Variants in BBOF1 observed in about 807,000 individuals in gnomAD.
The protein encoded by BBOF1 is basal body orientation factor 1, also known as basal body-orientation factor 1.
In BBOF1, 62 loss-of-function variants were observed where a neutral mutation model predicts 68.0. The observed-to-expected ratio is 0.91, with a 90% CI of 0.74 to 1.13. The LOEUF (loss-of-function observed/expected upper bound fraction) is 1.13. Among genes scored for constraint, BBOF1 ranks in the 50% most tolerant of loss-of-function variants. The probability of loss-of-function intolerance (pLI) is 0.00; values close to 1 mark genes in which losing one functional copy is unlikely to be tolerated. For synonymous variants in BBOF1, 208 were observed against 198.8 expected (o/e 1.05, Z -0.39); for missense variants, 534 against 600.1 (o/e 0.89, Z 1.15).
rs373275578 is a variant in BBOF1 at position 74,056,816 on chromosome 14, TA to T, written c.1389-81del. The stretch of plus-strand genomic sequence containing the variant: ...TACTATCACCCACAAAAATAAAAAA[TA>T]AAAAAAAATTAAAATACAAAAAGAA... On this transcript the variant is annotated intron_variant, in intron 9 of 11. Coordinates refer to ENST00000394009, the MANE Select transcript of BBOF1 (RefSeq NM_025057.3). 3,823 of 856,306 alleles carry T rather than the reference TA, an allele frequency of 4.5e-3. 93 individuals carry two copies. The African/African-American group carries it at 0.055, about 12-fold the overall frequency. 53.0% of individuals were successfully genotyped at this position (856,306 alleles called of 1,614,324 possible).
At chr14:74,058,114 T>G (rs1172546412) in intron 11 of BBOF1, 2 of 160,642 alleles carry the variant, frequency 1.2e-5, no homozygotes, top group Admixed American at 1.3e-4. Flanking sequence ...GATCATTAGG[T>G]CAGGAGATTG....
chr14:74,076,568 C>T (rs2060615150), intron 9 of BBOF1, among the ~76,000 whole-genome samples: 1 of 151,604 alleles, frequency 6.6e-6, no homozygotes, highest in Non-Finnish European at 1.5e-5. Flanking sequence ...CAGAATTTTG[C>T]TCTCATTGAC....
At position 74,046,146 on chromosome 14, in the gene BBOF1, C is replaced by A. The variant is rs1321730369; in HGVS notation, c.647+16C>A. 6.3e-7 allele frequency: 1 copy of A among 1,587,716 alleles called. No homozygotes were observed. The highest frequency in any genetic ancestry group is 1.3e-5 in the African/African-American group (1 of 74,252). On this transcript the variant is annotated intron_variant, in intron 6 of 11. Coordinates refer to ENST00000394009, the MANE Select transcript of BBOF1 (RefSeq NM_025057.3). ...AGGCTATTGTGTAAGAGACTGCTGC[C>A]TACTTTCTGACTCTGATTACCTCTC...
At chr14:74,071,408 G>T in intron 9 of BBOF1, 1 of 1,614,128 alleles carries the variant, frequency 6.2e-7, no homozygotes, top group South Asian at 1.1e-5. Flanking sequence ...AGAGGCAGAC[G>T]GTAGGAATAA....
intron 11 of BBOF1, among the ~76,000 whole-genome samples, chr14:74,062,540 G>A (rs2060370993): frequency 1.3e-5 from 2 of 152,036 alleles, no homozygotes; most frequent in Admixed American, 1.3e-4. Flanking sequence ...GGCTGAGGTT[G>A]CAGTGAGCCA....
downstream of BBOF1, among the ~76,000 whole-genome samples, chr14:74,069,548 C>A (rs1244706461): frequency 6.6e-6 from 1 of 151,526 alleles, no homozygotes; most frequent in East Asian, 2.0e-4. Flanking sequence ...GTCAGGAGTT[C>A]GAGACCTTCC....
chr14:74,045,598 C>T (rs766311057), intron 5 of BBOF1, among the ~76,000 whole-genome samples: 5 of 152,182 alleles, frequency 3.3e-5, no homozygotes, highest in African/African-American at 9.7e-5. Context: ...CGTGAGCCAC[C>T]GCGCCCGGAC....
At chr14:74,028,371 A>G (rs190424642) in intron 2 of BBOF1, among the ~76,000 whole-genome samples, 292 of 152,106 alleles carry the variant, frequency 1.9e-3, no homozygotes, top group Non-Finnish European at 3.5e-3. Context: ...TCTGTCTCAA[A>G]AAAAAGAAAG....
chr14:74,019,666 T>G, intron 1 of BBOF1, 132 bp downstream of exon 1: 1 of 1,429,364 alleles, frequency 7.0e-7, no homozygotes, highest in Non-Finnish European at 9.4e-7. Context: ...TTGTGAGGAT[T>G]ACAGCTCCCA....
At chr14:74,046,446 C>T (rs1194286995) in intron 6 of BBOF1, among the ~76,000 whole-genome samples, 3 of 152,156 alleles carry the variant, frequency 2.0e-5, no homozygotes, top group South Asian at 4.1e-4. Context: ...GAGCTTGGCT[C>T]ACTGCAACCT....
At position 74,023,160 on chromosome 14, in the gene BBOF1, G is replaced by A. The variant is rs751002365; in HGVS notation, c.285+16G>A. On this transcript the variant is annotated intron_variant, in intron 2 of 11. Transcript: ENST00000394009. ...AGATAATATGGTAGGTAGGTAGAAA[G>A]CCTCCTTGGCCTCATTAACTACCTC... The A allele has an allele frequency of 1.4e-6, 2 of 1,454,628 alleles. No individual in the cohort carries two copies. The allele number at this position is 1,454,628 out of a possible 1,614,324, so 90.1% of individuals were successfully genotyped here.
At chr14:74,066,754 C>T (rs779756937), downstream of BBOF1, 1 of 1,614,014 alleles carries the variant, frequency 6.2e-7, no homozygotes. Context: ...ATTTTCATAG[C>T]CTTTCACTTT....
chr14:74,024,030 T>C (rs2059368900), intron 2 of BBOF1, among the ~76,000 whole-genome samples: 1 of 152,200 alleles, frequency 6.6e-6, no homozygotes, highest in Non-Finnish European at 1.5e-5. Context: ...TTGATTCTTT[T>C]ACTAACCTCC....
chr14:74,042,570 T>C (rs2059845853), intron 5 of BBOF1, among the ~76,000 whole-genome samples: 1 of 152,202 alleles, frequency 6.6e-6, no homozygotes, highest in African/African-American at 2.4e-5. Context: ...GCTCCAGCTG[T>C]GTCTGTCCCT....
chr14:74,031,405 G>A (rs1013446850), intron 3 of BBOF1, among the ~76,000 whole-genome samples: 1 of 152,118 alleles, frequency 6.6e-6, no homozygotes, highest in Non-Finnish European at 1.5e-5. Context: ...AGGCCACCAC[G>A]CCTGGCATCA....
At chr14:74,023,289 A>T in intron 2 of BBOF1, 145 bp downstream of exon 2, 1 of 507,386 alleles carries the variant, frequency 2.0e-6, no homozygotes, top group South Asian at 3.7e-5. Flanking sequence ...GTTTGAAGCA[A>T]GACACTTTTT....
At chr14:74,064,485 C>T (rs996741930) in intron 11 of BBOF1, among the ~76,000 whole-genome samples, 15 of 151,804 alleles carry the variant, frequency 9.9e-5, no homozygotes, top group African/African-American at 3.6e-4. Flanking sequence ...TGGAGGAGCT[C>T]ATTTTTTAAA....
At chr14:74,023,867 G>A (rs979188905) in intron 2 of BBOF1, among the ~76,000 whole-genome samples, 5 of 145,068 alleles carry the variant, frequency 3.4e-5, no homozygotes, top group African/African-American at 1.3e-4. Context: ...AGCGAGCTGA[G>A]ATCATACCAT....
chr14:74,065,514 A>AG lies in BBOF1; in HGVS notation c.*816dup. ...TTTCAAATCACCTATTTAAAAAAAAAGTCCTCTCTCAAGTGTATTCCGTCT... is the reference window on the plus strand; with the variant it reads ...TTTCAAATCACCTATTTAAAAAAAAAGGTCCTCTCTCAAGTGTATTCCGTCT... On this transcript the variant is annotated 3_prime_UTR_variant, in exon 12 of 12. Coordinates refer to ENST00000394009, the MANE Select transcript of BBOF1 (RefSeq NM_025057.3). 1.3e-6 allele frequency: 1 copy of AG among 754,822 alleles called. No homozygotes were observed. The highest frequency in any genetic ancestry group is 1.8e-5 in the African/African-American group (1 of 57,140). 46.8% of individuals were successfully genotyped at this position (754,822 alleles called of 1,614,324 possible).
Sources: gnomAD v4.1 joint callset for allele counts (sites outside exome capture counted in the v4.1 genomes callset) on GRCh38, gnomAD v4.1.1 for gene constraint, MANE v1.5 for transcripts, NCBI Gene and HGNC (gene_info 2026-07-23, HGNC 2026-07-21) for gene names.